The following SMCHD1 variants were observed in gnomAD, a reference collection of about 807,000 sequenced individuals.
The protein encoded by SMCHD1 is structural maintenance of chromosomes flexible hinge domain containing 1.
Under a neutral mutation model 254.7 loss-of-function variants are expected in SMCHD1, and 78 were observed. That is an observed-to-expected ratio of 0.31 (90% CI 0.26 to 0.37). The LOEUF is 0.37. Ranked by LOEUF, SMCHD1 falls within the 10% of genes least tolerant of loss-of-function variation. SMCHD1 has a pLI of 1.00. For missense variants in SMCHD1, 1,840 were observed against 2,408.1 expected, an observed-to-expected ratio of 0.76 and a Z score of 4.94; for synonymous variants, 766 against 794.9, an observed-to-expected ratio of 0.96 and a Z score of 0.61.
chr18:2,754,721 C>T (rs1598407446), intron 34 of SMCHD1, among the ~76,000 whole-genome samples: 1 of 152,270 alleles, frequency 6.6e-6, no homozygotes, highest in East Asian at 1.9e-4. Flanking sequence ...GAAATCTAAA[C>T]TCACAGATGT....
At chr18:2,661,285 T>C (rs1286811879) in intron 1 of SMCHD1, among the ~76,000 whole-genome samples, 1 of 151,902 alleles carries the variant, frequency 6.6e-6, no homozygotes, top group Admixed American at 6.6e-5. Flanking sequence ...CCATGGCACA[T>C]GTATATCTAT....
intron 7 of SMCHD1, among the ~76,000 whole-genome samples, chr18:2,692,353 AGCTGGGCAACATTGAGAGACCAT>A (rs1450826680): frequency 6.6e-6 from 1 of 152,228 alleles, no homozygotes; most frequent in Non-Finnish European, 1.5e-5. Context: ...GTTCAAGACC[AGCTGGGCAACATTGAGAGACCAT>A]GTCTCTTAAA....
At chr18:2,672,383 C>T (rs912113811) in intron 3 of SMCHD1, among the ~76,000 whole-genome samples, 17 of 152,072 alleles carry the variant, frequency 1.1e-4, no homozygotes, top group Admixed American at 3.9e-4. Flanking sequence ...CCAGCTACCA[C>T]GCCCAGCTAT....
chr18:2,659,463 G>C lies in SMCHD1; in HGVS notation c.186+3202G>C, dbSNP rs75686104. Among the ~76,000 whole-genome samples the C allele has an allele frequency of 4.5e-3, 678 of 152,286 alleles. 5 individuals carry two copies. Among genetic ancestry groups the C allele is most frequent in the African/African-American group, 0.016 (662 of 41,558 alleles). Reference sequence around the variant, plus strand: ...AGTTCACCTCATGGAAAAGGAGAGGGAAGAAATGGAAAGGACAAATCTGCA... The same window carrying C: ...AGTTCACCTCATGGAAAAGGAGAGGCAAGAAATGGAAAGGACAAATCTGCA... On this transcript the variant is annotated intron_variant, in intron 1 of 47. Transcript: ENST00000320876.
At chr18:2,719,247 T>TCTCTC (rs961514056) in intron 19 of SMCHD1, among the ~76,000 whole-genome samples, 2 of 150,902 alleles carry the variant, frequency 1.3e-5, no homozygotes, top group African/African-American at 4.9e-5. Flanking sequence ...TTTCTTTTCC[T>TCTCTC]CTCTCCTCTC....
At chr18:2,742,006 C>T (rs1282149029) in intron 28 of SMCHD1, among the ~76,000 whole-genome samples, 2 of 152,296 alleles carry the variant, frequency 1.3e-5, no homozygotes, top group South Asian at 2.1e-4. Flanking sequence ...TTTTCACATC[C>T]TTTTCTGTCA....
At chr18:2,706,116 A>T (rs1180671209) in intron 14 of SMCHD1, among the ~76,000 whole-genome samples, 2 of 152,190 alleles carry the variant, frequency 1.3e-5, no homozygotes, top group African/African-American at 4.8e-5. Context: ...GCAATGAGTA[A>T]CTACAAAACT....
intron 25 of SMCHD1, among the ~76,000 whole-genome samples, chr18:2,734,704 T>C (rs1364018487): frequency 1.3e-5 from 2 of 150,896 alleles, no homozygotes; most frequent in African/African-American, 4.9e-5. Flanking sequence ...TTTTAAAAGA[T>C]AAAAAGGTAA....
rs183247901 is a variant in SMCHD1, at chr18:2,712,151, T to G, written c.2260+4231T>G. Among the ~76,000 whole-genome samples, 59 of 152,282 alleles carry G rather than the reference T, an allele frequency of 3.9e-4. No individual in the cohort carries two copies. In the South Asian group the frequency reaches 5.6e-3, roughly 14 times the overall value. On this transcript the variant is annotated intron_variant, in intron 17 of 47. Transcript: ENST00000320876. ...AAGGTGAGTTCTTTTAAAATTGTGC[T>G]GAATTTGGCTTGCTAGCATATTGTT...
intron 17 of SMCHD1, among the ~76,000 whole-genome samples, chr18:2,709,964 T>G (rs1181614634): frequency 6.6e-6 from 1 of 152,240 alleles, no homozygotes; most frequent in Non-Finnish European, 1.5e-5. Flanking sequence ...TCCAAGAGAT[T>G]GTTACTAAAT....
intron 39 of SMCHD1, among the ~76,000 whole-genome samples, chr18:2,770,849 T>C (rs112062730): frequency 1.3e-5 from 2 of 152,036 alleles, no homozygotes; most frequent in East Asian, 3.9e-4. Flanking sequence ...TCGAACTTCT[T>C]ACCTCAAGTG....
At chr18:2,740,669 G>C (rs551054543) in intron 27 of SMCHD1, 34 bp from the exon 28 acceptor site, 1 of 1,191,348 alleles carries the variant, frequency 8.4e-7, no homozygotes, top group East Asian at 2.4e-5. Flanking sequence ...TCTATTAAAA[G>C]ATAATACTAA....
At chr18:2,689,852 TAAAA>T (rs1167921048) in intron 7 of SMCHD1, among the ~76,000 whole-genome samples, 17,889 of 71,466 alleles carry the variant, frequency 0.25, 1,307 homozygotes, top group South Asian at 0.35. Flanking sequence ...TTGTCTCTAC[TAAAA>T]AAAAAAAAAA....
chr18:2,773,292 AAGC>A (rs2076013730), intron 41 of SMCHD1, among the ~76,000 whole-genome samples: 1 of 152,336 alleles, frequency 6.6e-6, no homozygotes, highest in African/African-American at 2.4e-5. Flanking sequence ...TTTTAGAAAA[AAGC>A]AGTTCTTTGA....
At chr18:2,708,541 A>C (rs1344893499) in intron 17 of SMCHD1, among the ~76,000 whole-genome samples, 1 of 151,968 alleles carries the variant, frequency 6.6e-6, no homozygotes, top group Non-Finnish European at 1.5e-5. Context: ...TAAAAAATAA[A>C]TAAATCACAC....
Position 2,667,030 on chromosome 18 carries a change from G to A in SMCHD1, c.423G>A (p.Leu141=), listed in dbSNP as rs1057519641. The change falls in exon 3 of 48, where the codon TTG becomes TTA. Residue 141 remains leucine (L), a splice_region_variant and synonymous_variant. Coordinates refer to ENST00000320876, the MANE Select transcript of SMCHD1 (RefSeq NM_015295.3). The stretch of plus-strand genomic sequence containing the variant: ...ATGCCAGTGAAGGACAAAATCCTTT[G>A]CGTAAGTATCCCATTCATACTAATT... The part of the protein sequence containing the change: ...EYYASEGQNP[L]PFALAELIDN... 2 of 1,569,174 alleles carry A rather than the reference G, an allele frequency of 1.3e-6. No homozygotes were observed. The highest frequency in any genetic ancestry group is 1.9e-5 in the Admixed American group (1 of 53,458).
chr18:2,700,156 T>C (rs553221313), intron 10 of SMCHD1, among the ~76,000 whole-genome samples: 61 of 152,354 alleles, frequency 4.0e-4, no homozygotes, highest in Non-Finnish European at 7.8e-4. Context: ...TCAGATGACT[T>C]TCATGTGAAC....
At chr18:2,734,507 G>A (rs557673407) in intron 25 of SMCHD1, among the ~76,000 whole-genome samples, 1 of 152,092 alleles carries the variant, frequency 6.6e-6, no homozygotes, top group Non-Finnish European at 1.5e-5. Context: ...CTTTACAGTG[G>A]TTTTGTAGTG....
chr18:2,723,010 G>A (rs1275141849), intron 20 of SMCHD1, among the ~76,000 whole-genome samples: 1 of 151,896 alleles, frequency 6.6e-6, no homozygotes, highest in African/African-American at 2.4e-5. Context: ...TTCTCTTTTA[G>A]CGTTCTTAGT....
Sources: gnomAD v4.1 joint callset for allele counts (sites outside exome capture counted in the v4.1 genomes callset) on GRCh38, gnomAD v4.1.1 for gene constraint, MANE v1.5 for transcripts, NCBI Gene and HGNC (gene_info 2026-07-23, HGNC 2026-07-21) for gene names.